The following TNRC6B variants were observed in gnomAD, a reference collection of about 807,000 sequenced individuals.
TNRC6B encodes the protein trinucleotide repeat-containing gene 6B protein.
Under a neutral mutation model 203.6 loss-of-function variants are expected in TNRC6B, and 52 were observed. The observed-to-expected ratio is 0.26, with a 90% CI of 0.20 to 0.32. The LOEUF is 0.32. Among genes scored for constraint, TNRC6B ranks in the 10% least tolerant of loss-of-function variants. The pLI, the probability that TNRC6B is intolerant of heterozygous loss-of-function variation, is 1.00. For missense variants in TNRC6B, 1,923 were observed against 2,286.2 expected, an observed-to-expected ratio of 0.84 and a Z score of 3.24; for synonymous variants, 838 against 845.7, an observed-to-expected ratio of 0.99 and a Z score of 0.16.
chr22:40,075,156 A>ATATATATATATTT, intron 1 of TNRC6B, among the ~76,000 whole-genome samples: 1 of 35,568 alleles, frequency 2.8e-5, no homozygotes, highest in African/African-American at 1.0e-4. Flanking sequence ...ATATATATAT[A>ATATATATATATTT]TTTTTTTTTT....
Position 40,316,124 on chromosome 22 carries a change from G to A in TNRC6B, c.4974+112G>A, listed in dbSNP as rs2071254247. ...AATCCAAGCACTTTGGGAGGCCGAG[G>A]CGGGTGCATCACGAGGTCAGGAGAT... On this transcript the variant is annotated intron_variant, in intron 21 of 22. Transcript: ENST00000454349. The A allele has an allele frequency of 3.4e-6, 3 of 892,996 alleles. No homozygotes were observed. The Admixed American group carries it at 6.6e-5, about 20-fold the overall frequency. 55.3% of individuals were successfully genotyped at this position (892,996 alleles called of 1,614,324 possible).
At chr22:40,092,028 A>C (rs1422713527) in intron 1 of TNRC6B, among the ~76,000 whole-genome samples, 1 of 152,226 alleles carries the variant, frequency 6.6e-6, no homozygotes, top group African/African-American at 2.4e-5. Context: ...AAATAAAATT[A>C]TTCAGAAGTC....
At chr22:40,278,922 G>A (rs978309223) in intron 9 of TNRC6B, among the ~76,000 whole-genome samples, 5 of 152,192 alleles carry the variant, frequency 3.3e-5, no homozygotes, top group African/African-American at 1.2e-4. Context: ...TGTATTTTTA[G>A]TAGGGACGGG....
chr22:40,281,728 AT>A (rs2070723561), intron 11 of TNRC6B, among the ~76,000 whole-genome samples: 2 of 152,354 alleles, frequency 1.3e-5, no homozygotes, highest in East Asian at 3.9e-4. Flanking sequence ...GGGTTATGGC[AT>A]CTTGAAATCT....
intron 3 of TNRC6B, among the ~76,000 whole-genome samples, chr22:40,259,287 C>T (rs138587339): frequency 7.4e-4 from 112 of 151,984 alleles, no homozygotes; most frequent in Non-Finnish European, 1.0e-3. Context: ...GGCAGTGGCA[C>T]GATCTCGGCT....
At chr22:40,131,927 C>G (rs2068548542) in intron 3 of TNRC6B, among the ~76,000 whole-genome samples, 1 of 152,144 alleles carries the variant, frequency 6.6e-6, no homozygotes, top group African/African-American at 2.4e-5. Flanking sequence ...TACATTTTTC[C>G]CAAGGACCAC....
intron 21 of TNRC6B, among the ~76,000 whole-genome samples, chr22:40,319,961 T>G (rs1006374642): frequency 6.6e-6 from 1 of 152,212 alleles, no homozygotes; most frequent in Non-Finnish European, 1.5e-5. Flanking sequence ...AAGTCTGTTG[T>G]GGCATATGCT....
intron 2 of TNRC6B, among the ~76,000 whole-genome samples, chr22:40,120,275 A>G (rs1349034424): frequency 6.6e-6 from 1 of 151,678 alleles, no homozygotes; most frequent in African/African-American, 2.4e-5. Context: ...GGCTGAGGCT[A>G]CATTGAGCCG....
chr22:40,212,928 G>A (rs1426968390), intron 1 of TNRC6B, among the ~76,000 whole-genome samples: 1 of 152,186 alleles, frequency 6.6e-6, no homozygotes, highest in Non-Finnish European at 1.5e-5. Flanking sequence ...GGGATTACAG[G>A]CGTGAGCCAC....
intron 6 of TNRC6B, among the ~76,000 whole-genome samples, chr22:40,271,292 A>G (rs2070559855): frequency 6.6e-6 from 1 of 152,236 alleles, no homozygotes; most frequent in South Asian, 2.1e-4. Context: ...ACCATATAGA[A>G]GCAGATTTAA....
intron 1 of TNRC6B, among the ~76,000 whole-genome samples, chr22:40,109,247 C>T (rs566531358): frequency 9.9e-5 from 15 of 152,128 alleles, no homozygotes; most frequent in Admixed American, 2.6e-4. Flanking sequence ...TGAACATACG[C>T]GTGTATGTAT....
intron 1 of TNRC6B, among the ~76,000 whole-genome samples, chr22:40,200,278 C>CT (rs59067007): frequency 0.54 from 39,798 of 73,554 alleles, 15,218 homozygotes; most frequent in East Asian, 0.83. Context: ...AAGTAATATT[C>CT]TTTTTTTTTT....
At chr22:40,094,185 G>A (rs1373887244) in intron 1 of TNRC6B, among the ~76,000 whole-genome samples, 1 of 152,088 alleles carries the variant, frequency 6.6e-6, no homozygotes, top group Non-Finnish European at 1.5e-5. Flanking sequence ...TATATGTAAA[G>A]CACTATGAGT....
chr22:40,253,724 CAGAG>C (rs1195904120), intron 3 of TNRC6B: 1 of 456,212 alleles, frequency 2.2e-6, no homozygotes, highest in Non-Finnish European at 4.4e-6. Context: ...AGACTGTAAA[CAGAG>C]GGAGGGCCTG....
chr22:40,230,401 C>T (rs1689799449), intron 1 of TNRC6B, among the ~76,000 whole-genome samples: 1 of 151,250 alleles, frequency 6.6e-6, no homozygotes, highest in African/African-American at 2.4e-5. Context: ...GCAATTTCTC[C>T]TGCCTCAGCC....
chr22:40,264,167 T>A (rs1480667452), intron 4 of TNRC6B, among the ~76,000 whole-genome samples: 1 of 152,180 alleles, frequency 6.6e-6, no homozygotes, highest in African/African-American at 2.4e-5. Flanking sequence ...TAGTATCGAA[T>A]ATTGACATCT....
chr22:40,201,235 T>C (rs2069408186), intron 1 of TNRC6B, among the ~76,000 whole-genome samples: 2 of 152,170 alleles, frequency 1.3e-5, no homozygotes, highest in Admixed American at 6.5e-5. Context: ...TGTGAAGTTT[T>C]GCTTTTAGTG....
At chr22:40,065,786 T>C (rs1650046671) in intron 1 of TNRC6B, among the ~76,000 whole-genome samples, 1 of 152,156 alleles carries the variant, frequency 6.6e-6, no homozygotes, top group African/African-American at 2.4e-5. Context: ...TCTTCACTAC[T>C]GAAGCAACTG....
rs1555885936 is a variant in TNRC6B, at chr22:40,154,860, A to AAAT, written c.46-1254_46-1253insATA. Among the ~76,000 whole-genome samples, 14 of 23,582 alleles carry AAAT rather than the reference A, an allele frequency of 5.9e-4. 1 individual carries two copies. The highest frequency in any genetic ancestry group is 1.3e-3 in the African/African-American group (4 of 3,036). 15.5% of individuals were successfully genotyped at this position (23,582 alleles called of 152,430 possible). On this transcript the variant is annotated intron_variant, in intron 3 of 23. Coordinates refer to the TNRC6B transcript ENST00000301923. ...TATCTCAAAAAAAAAAAAAAAAAAA[A>AAAT]ATATATATATATATATATATATATA...
Sources: allele counts gnomAD v4.1 joint callset (sites outside exome capture counted in the v4.1 genomes callset), GRCh38; gene constraint gnomAD v4.1.1; transcripts MANE v1.5; gene names NCBI Gene and HGNC (gene_info 2026-07-23, HGNC 2026-07-21).